Variants in GMPR observed in about 807,000 individuals in gnomAD.
GMPR encodes guanosine monophosphate reductase.
A neutral mutation model predicts 38.4 loss-of-function variants in GMPR; 31 were observed. The ratio of observed to expected loss-of-function variants is 0.81; its 90% CI spans 0.61 to 1.09. The LOEUF (loss-of-function observed/expected upper bound fraction) is 1.09, where lower values mean the gene tolerates loss of function less well. GMPR is among the 50% of genes least tolerant of loss of function. GMPR has a pLI of 0.00. For synonymous variants in GMPR, 162 were observed against 173.3 expected, an observed-to-expected ratio of 0.93 and a Z score of 0.51; for missense variants, 468 against 453.7, an observed-to-expected ratio of 1.03 and a Z score of -0.29.
intron 6 of GMPR, among the ~76,000 whole-genome samples, chr6:16,285,238 T>C (rs957529627): frequency 2.0e-5 from 3 of 152,158 alleles, no homozygotes; most frequent in African/African-American, 7.2e-5. Context: ...GATGTTTGAT[T>C]TTAAGGTAAC....
chr6:16,257,893 T>A (rs1047754593), intron 4 of GMPR: 3 of 152,218 alleles, frequency 2.0e-5, no homozygotes, highest in African/African-American at 7.2e-5. Flanking sequence ...GAAGATTCAG[T>A]TTCAGCATAG....
At chr6:16,276,815 G>A (rs896828664) in intron 5 of GMPR, among the ~76,000 whole-genome samples, 1 of 152,130 alleles carries the variant, frequency 6.6e-6, no homozygotes, top group African/African-American at 2.4e-5. Context: ...GCAACTCCTG[G>A]GAACTGGGAA....
At chr6:16,267,990 A>C (rs936838475) in intron 4 of GMPR, among the ~76,000 whole-genome samples, 1 of 152,192 alleles carries the variant, frequency 6.6e-6, no homozygotes, top group African/African-American at 2.4e-5. Flanking sequence ...TTTCCGCTGT[A>C]CGCCTCTTCA....
intron 1 of GMPR, among the ~76,000 whole-genome samples, chr6:16,243,036 C>A (rs899212159): frequency 6.6e-5 from 10 of 151,954 alleles, no homozygotes; most frequent in African/African-American, 1.9e-4. Context: ...GTCACATTTA[C>A]AGGTACTGGA....
intron 4 of GMPR, among the ~76,000 whole-genome samples, chr6:16,270,727 T>A (rs1759368377): frequency 6.6e-6 from 1 of 152,236 alleles, no homozygotes; most frequent in Non-Finnish European, 1.5e-5. Flanking sequence ...GTGCTGTCCC[T>A]CATGGTTGAG....
At position 16,278,873 on chromosome 6, in the gene GMPR, A is replaced by C. The variant is rs1337907958; in HGVS notation, c.637A>C (p.Lys213Gln). ...GTGTGCCGACTCTGCCCATGGCCTGAAGGGCCACATCATCTCTGTGAGTCT... is the reference window on the plus strand; with the variant it reads ...GTGTGCCGACTCTGCCCATGGCCTGCAGGGCCACATCATCTCTGTGAGTCT... ...IECADSAHGL[K>Q]GHIISDGGCT... Residue 213 changes from lysine (K) to glutamine (Q), a missense_variant, in exon 6 of 9, where the codon AAG becomes CAG. By Grantham distance (53) the Lys-to-Gln change is moderately conservative. Coordinates refer to ENST00000259727, the MANE Select transcript of GMPR (RefSeq NM_006877.4). 6.2e-7 allele frequency: 1 copy of C among 1,609,212 alleles called. No individual in the cohort carries two copies. Among genetic ancestry groups the C allele is most frequent in the Non-Finnish European group, 8.5e-7 (1 of 1,175,766 alleles).
At chr6:16,247,751 G>T (rs1561819247) in intron 2 of GMPR, among the ~76,000 whole-genome samples, 8 of 151,700 alleles carry the variant, frequency 5.3e-5, no homozygotes, top group Admixed American at 3.3e-4. Context: ...AGAGAGGGGA[G>T]GGGTAGGTCA....
intron 7 of GMPR, among the ~76,000 whole-genome samples, chr6:16,286,989 TTAGCAACAAG>T (rs1389732874): frequency 2.0e-5 from 3 of 152,224 alleles, no homozygotes; most frequent in Admixed American, 6.5e-5. Flanking sequence ...GGCAGTGTTC[TTAGCAACAAG>T]GTTTCATAGC....
At chr6:16,247,479 A>G (rs1758782045) in intron 2 of GMPR, among the ~76,000 whole-genome samples, 2 of 152,056 alleles carry the variant, frequency 1.3e-5, no homozygotes, top group African/African-American at 4.8e-5. Flanking sequence ...GGTTCAAACA[A>G]TTCTCCTGCC....
chr6:16,257,236 T>A (rs1022956430), intron 4 of GMPR, among the ~76,000 whole-genome samples: 84 of 152,264 alleles, frequency 5.5e-4, no homozygotes, highest in Non-Finnish European at 6.3e-4. Flanking sequence ...TCTACATGCC[T>A]GGAGGGTGGC....
intron 8 of GMPR, among the ~76,000 whole-genome samples, chr6:16,291,499 T>C (rs989590590): frequency 1.1e-4 from 16 of 152,230 alleles, no homozygotes; most frequent in Non-Finnish European, 2.1e-4. Context: ...GCTGGGATTA[T>C]AGGCATGAGC....
At position 16,290,384 on chromosome 6, in the gene GMPR, C is replaced by T. The variant is rs574669855; in HGVS notation, c.698-78C>T. ...CGGGGAGGGAGGTGAACTGGGCAAGCACTGGGATTTTTTGAGAGCCTTTTC... is the reference window on the plus strand; with the variant it reads ...CGGGGAGGGAGGTGAACTGGGCAAGTACTGGGATTTTTTGAGAGCCTTTTC... On this transcript the variant is annotated intron_variant, in intron 7 of 8. Transcript: ENST00000259727. The T allele has an allele frequency of 2.6e-4, 341 of 1,310,064 alleles. 1 individual carries two copies. In the African/African-American group the frequency reaches 4.4e-3, roughly 17 times the overall value. The allele number at this position is 1,310,064 out of a possible 1,614,324, so 81.2% of individuals were successfully genotyped here. A position where few individuals can be genotyped will look rare whatever the true frequency, so the allele number is the denominator to read the frequency against.
At chr6:16,251,293 CG>C (rs369687014) in intron 3 of GMPR, among the ~76,000 whole-genome samples, 12 of 152,100 alleles carry the variant, frequency 7.9e-5, no homozygotes, top group African/African-American at 2.9e-4. Flanking sequence ...AGACGCAGCC[CG>C]GCGCGGTGGC....
chr6:16,275,855 T>A (rs1759463523), intron 5 of GMPR, among the ~76,000 whole-genome samples: 1 of 152,058 alleles, frequency 6.6e-6, no homozygotes, highest in African/African-American at 2.4e-5. Context: ...CCCAGGAGTT[T>A]GAGACCAGCC....
At chr6:16,261,093 G>A (rs113703845) in intron 4 of GMPR, among the ~76,000 whole-genome samples, 3,771 of 151,928 alleles carry the variant, frequency 0.025, 158 homozygotes, top group African/African-American at 0.074. Context: ...GAGACATGAT[G>A]GCTAGGCTAA....
chr6:16,254,545 G>T lies in GMPR; in HGVS notation c.292-17G>T. On this transcript the variant is annotated splice_polypyrimidine_tract_variant and intron_variant, in intron 3 of 8. Coordinates refer to ENST00000259727, the MANE Select transcript of GMPR (RefSeq NM_006877.4). ...TGCTACTGTTTATGCCTGTCTTCTT[G>T]GTTTATTTTGGTGCAGAATGTAGCC... 1 of 1,609,894 alleles carries T rather than the reference G, an allele frequency of 6.2e-7. No homozygotes were observed. Among genetic ancestry groups the T allele is most frequent in the African/African-American group, 1.3e-5 (1 of 74,956 alleles).
chr6:16,255,787 G>A (rs537281012), intron 4 of GMPR, among the ~76,000 whole-genome samples: 2 of 152,156 alleles, frequency 1.3e-5, no homozygotes, highest in Middle Eastern at 3.4e-3. Context: ...TTTGAACTTC[G>A]TTTCTTCTCA....
chr6:16,293,975 C>T (rs1759886063), intron 8 of GMPR, among the ~76,000 whole-genome samples: 1 of 152,110 alleles, frequency 6.6e-6, no homozygotes, highest in Non-Finnish European at 1.5e-5. Flanking sequence ...TACACATATT[C>T]TGGTAATATA....
rs1294400669 is a variant in GMPR, at chr6:16,265,854, C to G, written c.466-8561C>G. ...GGTTTTCTTCGTTCGCTTGCTGCTGCTCGCTCTTTGGGTCCACGCGACGTT... is the reference window on the plus strand; with the variant it reads ...GGTTTTCTTCGTTCGCTTGCTGCTGGTCGCTCTTTGGGTCCACGCGACGTT... On this transcript the variant is annotated intron_variant, in intron 4 of 8. Transcript: ENST00000259727. Among the ~76,000 whole-genome samples the G allele has an allele frequency of 1.4e-4, 21 of 152,378 alleles. 1 individual carries two copies. The highest frequency in any genetic ancestry group is 1.3e-3 in the Admixed American group (20 of 15,312).
Sources: gnomAD v4.1 joint callset for allele counts (sites outside exome capture counted in the v4.1 genomes callset) on GRCh38, gnomAD v4.1.1 for gene constraint, MANE v1.5 for transcripts, NCBI Gene and HGNC (gene_info 2026-07-23, HGNC 2026-07-21) for gene names.